CD200: variants seen among roughly 807,000 people sequenced by gnomAD.
The protein encoded by CD200 is CD200 molecule, also known as OX-2 membrane glycoprotein.
Under a neutral mutation model 30.9 loss-of-function variants are expected in CD200, and 15 were observed. The observed-to-expected ratio is 0.49, with a 90% CI of 0.32 to 0.75. CD200 has a LOEUF of 0.75. CD200 is among the 30% of genes least tolerant of loss of function. The pLI is 0.03. For missense variants in CD200, 262 were observed against 324.2 expected, an observed-to-expected ratio of 0.81 and a Z score of 1.47; for synonymous variants, 134 against 126.2, an observed-to-expected ratio of 1.06 and a Z score of -0.41.
Position 112,335,839 on chromosome 3 carries a change from T to C in CD200, c.12+2615T>C. The stretch of plus-strand genomic sequence containing the variant: ...GTCTTCACCCAGACCATGACAGCTC[T>C]GGTGCTCAACACACACAACCACCTC... On this transcript the variant is annotated intron_variant, in intron 1 of 5. Transcript: ENST00000315711. 3.6e-6 allele frequency: 3 copies of C among 823,502 alleles called. No individual in the cohort carries two copies. In the South Asian group the frequency reaches 4.0e-5, roughly 11 times the overall value. The allele number at this position is 823,502 out of a possible 1,614,324, so 51.0% of individuals were successfully genotyped here.
In CD200 at chr3:112,345,183, A is replaced by G. The variant is rs1329321483; in HGVS notation, c.316A>G (p.Ile106Val). 2.5e-6 allele frequency: 4 copies of G among 1,614,060 alleles called. No individual in the cohort carries two copies. The East Asian group carries it at 6.7e-5, about 27-fold the overall frequency. ...ITQLGLQNST[I>V]TFWNITLEDE... ...CCAGCTGGGACTCCAAAACTCAACCATCACCTTCTGGAATATCACCCTGGA... is the reference window on the plus strand; with the variant it reads ...CCAGCTGGGACTCCAAAACTCAACCGTCACCTTCTGGAATATCACCCTGGA... The change falls in exon 3 of 6, where the codon ATC becomes GTC. Residue 106 changes from isoleucine (I) to valine (V), a missense_variant. Coordinates refer to ENST00000315711, the MANE Select transcript of CD200 (RefSeq NM_005944.7).
upstream of CD200, chr3:112,333,137 C>G: frequency 3.2e-6 from 5 of 1,542,254 alleles, no homozygotes; most frequent in Non-Finnish European, 4.4e-6. Context: ...ACAGGTGACG[C>G]TCCTCCCGCC....
At chr3:112,354,084 T>C (rs1299265878) in intron 5 of CD200, among the ~76,000 whole-genome samples, 2 of 152,152 alleles carry the variant, frequency 1.3e-5, no homozygotes, top group Non-Finnish European at 2.9e-5. Context: ...AGCAAACAGA[T>C]TCTTAATGCC....
intron 2 of CD200, 103 bp downstream of exon 2, chr3:112,341,086 C>CA (rs2081228993): frequency 2.9e-6 from 2 of 700,242 alleles, no homozygotes; most frequent in South Asian, 4.0e-5. Context: ...CATTTGTCTG[C>CA]ATGAATTATT....
chr3:112,342,462 A>G (rs1320682035), intron 2 of CD200, among the ~76,000 whole-genome samples: 1 of 145,308 alleles, frequency 6.9e-6, no homozygotes, highest in Non-Finnish European at 1.5e-5. Context: ...TCACTCTGTC[A>G]CCCAGGCTGG....
Position 112,340,950 on chromosome 3 carries a change from G to T in CD200, c.61G>T (p.Val21Phe), listed in dbSNP as rs750924200. 6.2e-7 allele frequency: 1 copy of T among 1,612,928 alleles called. No homozygotes were observed. Reference protein sequence around the residue: ...SHLSTYSLVWVMAAVVLCTAQ... With the variant: ...SHLSTYSLVWFMAAVVLCTAQ... The stretch of plus-strand genomic sequence containing the variant: ...TCTGTCTACCTACAGCCTGGTTTGG[G>T]TCATGGCAGCAGTGGTGCTGTGCAC... Residue 21 changes from valine to phenylalanine, a missense_variant, in exon 2 of 6, where the codon GTC becomes TTC. Physicochemically the swap from Val to Phe is conservative, Grantham distance 50 (BLOSUM62 -1). Transcript: ENST00000315711.
In CD200 at chr3:112,343,336, C is replaced by T. The variant is rs185597905; in HGVS notation, c.95-1626C>T. 1.4e-4 allele frequency among the ~76,000 whole-genome samples: 22 copies of T among 151,952 alleles called. No homozygotes were observed. The East Asian group carries it at 4.1e-3, about 28-fold the overall frequency. ...TTCTTTTCTTTGTGACATGGACTTA[C>T]CTTGTCACCCAGGCTGGAGTACAGT... On this transcript the variant is annotated intron_variant, in intron 2 of 5. Coordinates refer to ENST00000315711, the MANE Select transcript of CD200 (RefSeq NM_005944.7).
At chr3:112,336,990 TA>T (rs1202324063) in intron 1 of CD200, among the ~76,000 whole-genome samples, 2 of 152,192 alleles carry the variant, frequency 1.3e-5, no homozygotes, top group Middle Eastern at 3.4e-3. Flanking sequence ...TTTAGTGCTA[TA>T]ATTTTTTTCA....
intron 1 of CD200, among the ~76,000 whole-genome samples, chr3:112,338,585 G>A (rs1294868314): frequency 6.6e-6 from 1 of 152,138 alleles, no homozygotes; most frequent in Non-Finnish European, 1.5e-5. Flanking sequence ...GACAGATGGG[G>A]TCATGCTTTA....
rs2081434856 is a variant in CD200, at chr3:112,347,816, A to C, written c.680A>C (p.Gln227Pro). The C allele has an allele frequency of 1.2e-6, 2 of 1,613,318 alleles. No individual in the cohort carries two copies. The highest frequency in any genetic ancestry group is 4.5e-5 in the East Asian group (2 of 44,878). ...CTGGGGACTGTGACCGACTTTAAGC[A>C]AACCGTCAACAAAGGTAAGAGAAAG... ...LHLGTVTDFK[Q>P]TVNKGYWFSV... Residue 227 changes from glutamine (Q) to proline (P), a missense_variant, in exon 4 of 6, where the codon CAA becomes CCA. Coordinates refer to ENST00000315711, the MANE Select transcript of CD200 (RefSeq NM_005944.7).
In CD200 at chr3:112,361,583, TG is replaced by T; in HGVS notation, c.*35del. 6.3e-7 allele frequency: 1 copy of T among 1,593,480 alleles called. No individual in the cohort carries two copies. The highest frequency in any genetic ancestry group is 8.6e-7 in the Non-Finnish European group (1 of 1,161,230). On this transcript the variant is annotated 3_prime_UTR_variant, in exon 6 of 6. Coordinates refer to ENST00000315711, the MANE Select transcript of CD200 (RefSeq NM_005944.7). ...ACACAGCACCCTGAAAGTGATTCCC[TG>T]GTCTACTTGAATTTGACACAAGAGA... is the stretch of plus-strand genomic sequence containing the variant.
chr3:112,334,748 GAA>G (rs35000193), intron 1 of CD200, among the ~76,000 whole-genome samples: 1 of 149,684 alleles, frequency 6.7e-6, no homozygotes, highest in Non-Finnish European at 1.5e-5. Flanking sequence ...CAGACTCGAG[GAA>G]AAAAAAAACC....
At chr3:112,338,009 G>A (rs767996143) in intron 1 of CD200, among the ~76,000 whole-genome samples, 3 of 152,130 alleles carry the variant, frequency 2.0e-5, no homozygotes, top group Non-Finnish European at 4.4e-5. Flanking sequence ...TTTGTTCAGT[G>A]CAGATGCTTT....
chr3:112,334,981 CA>C (rs1356758931), intron 1 of CD200, among the ~76,000 whole-genome samples: 1 of 152,162 alleles, frequency 6.6e-6, no homozygotes, highest in Non-Finnish European at 1.5e-5. Context: ...CCTGGATTTC[CA>C]CGTCAGAGAA....
rs537219887 is a variant in CD200 at position 112,356,945 on chromosome 3, G to A, written c.803-4598G>A. Among the ~76,000 whole-genome samples, 10 of 152,240 alleles carry A rather than the reference G, an allele frequency of 6.6e-5. No homozygotes were observed. The East Asian group carries it at 1.5e-3, about 24-fold the overall frequency. ...ATAAGAATGTTGTGAAGATTTAAAC[G>A]GGAATACATACAAGTGCTTAGAAAA... On this transcript the variant is annotated intron_variant, in intron 5 of 5. Coordinates refer to ENST00000315711, the MANE Select transcript of CD200 (RefSeq NM_005944.7).
chr3:112,359,464 G>A (rs920167609), intron 5 of CD200, among the ~76,000 whole-genome samples: 3 of 152,132 alleles, frequency 2.0e-5, no homozygotes, highest in African/African-American at 7.2e-5. Context: ...TTGTAAGTGG[G>A]GATGAAAGGA....
rs1576608728 is a variant in CD200, at chr3:112,347,487, T to C, written c.422-71T>C. Reference sequence around the variant, plus strand: ...TTTCTATAAGCATATTTCCTTCATCTCTCTGAGGAGACTGCAGGACTCAGA... The same window carrying C: ...TTTCTATAAGCATATTTCCTTCATCCCTCTGAGGAGACTGCAGGACTCAGA... On this transcript the variant is annotated intron_variant, in intron 3 of 5. Transcript: ENST00000315711. 6 of 1,421,336 alleles carry C rather than the reference T, an allele frequency of 4.2e-6. No individual in the cohort carries two copies. The East Asian group carries it at 1.4e-4, about 32-fold the overall frequency. The allele number at this position is 1,421,336 out of a possible 1,614,324, so 88.0% of individuals were successfully genotyped here.
At chr3:112,339,726 C>T (rs2081196085) in intron 1 of CD200, among the ~76,000 whole-genome samples, 1 of 152,216 alleles carries the variant, frequency 6.6e-6, no homozygotes, top group South Asian at 2.1e-4. Context: ...GTAGAATTTT[C>T]TTTCATCCAG....
In CD200 at chr3:112,344,667, A is replaced by G. The variant is rs117834048; in HGVS notation, c.95-295A>G. 4.5e-4 allele frequency among the ~76,000 whole-genome samples: 68 copies of G among 152,340 alleles called. 2 individuals are homozygous for G. In the South Asian group the frequency reaches 0.014, roughly 31 times the overall value. ...GCTGCTATCCTACCTGGCAGTTTAC[A>G]TCTTCAATCTCATTGTACCTACTTC... On this transcript the variant is annotated intron_variant, in intron 2 of 5. Coordinates refer to ENST00000315711, the MANE Select transcript of CD200 (RefSeq NM_005944.7).
Sources: gnomAD v4.1 joint callset for allele counts (sites outside exome capture counted in the v4.1 genomes callset) on GRCh38, gnomAD v4.1.1 for gene constraint, MANE v1.5 for transcripts, NCBI Gene and HGNC (gene_info 2026-07-23, HGNC 2026-07-21) for gene names.